FARS2: variants seen among roughly 807,000 people sequenced by gnomAD.
The protein encoded by FARS2 is phenylalanine--tRNA ligase, mitochondrial.
Under a neutral mutation model 46.4 loss-of-function variants are expected in FARS2, and 40 were observed. The ratio of observed to expected loss-of-function variants is 0.86; its 90% confidence interval spans 0.67 to 1.12. FARS2 has a LOEUF of 1.12. Among genes scored for constraint, FARS2 ranks in the 50% most tolerant of loss-of-function variants. The probability of loss-of-function intolerance (pLI) is 0.00; values close to 1 mark genes in which losing one functional copy is unlikely to be tolerated. For synonymous variants in FARS2, 234 were observed against 214.9 expected, an observed-to-expected ratio of 1.09 and a Z score of -0.78; for missense variants, 513 against 567.9, an observed-to-expected ratio of 0.90 and a Z score of 0.98.
At chr6:5,606,943 C>G (rs978460162) in intron 5 of FARS2, among the ~76,000 whole-genome samples, 1 of 152,154 alleles carries the variant, frequency 6.6e-6, no homozygotes, top group Non-Finnish European at 1.5e-5. Context: ...GGTGAGGGAA[C>G]AAACCAGCTT....
intron 2 of FARS2, among the ~76,000 whole-genome samples, chr6:5,390,402 C>G (rs1328656842): frequency 6.6e-6 from 1 of 152,176 alleles, no homozygotes; most frequent in Non-Finnish European, 1.5e-5. Flanking sequence ...ACTCAGCACC[C>G]TTGATGGATC....
chr6:5,436,710 T>C (rs1017865125), intron 4 of FARS2, among the ~76,000 whole-genome samples: 2 of 152,206 alleles, frequency 1.3e-5, no homozygotes, highest in South Asian at 2.1e-4. Flanking sequence ...CATTCTCAGA[T>C]GTGTGACTAG....
rs147372606 is a variant in FARS2 at position 5,580,869 on chromosome 6, A to G, written c.1066-32300A>G. On this transcript the variant is annotated intron_variant, in intron 5 of 6. Transcript: ENST00000274680. ...TGTGGATATAAATATCTATCTGTCA[A>G]TATGCACAATTAGTGGAAGACATAG... Among the ~76,000 whole-genome samples the G allele has an allele frequency of 1.3e-3, 195 of 152,344 alleles. 1 individual carries two copies. The highest frequency in any genetic ancestry group is 4.5e-3 in the African/African-American group (186 of 41,576).
chr6:5,405,837 T>C (rs1761558784), intron 3 of FARS2, among the ~76,000 whole-genome samples: 1 of 152,104 alleles, frequency 6.6e-6, no homozygotes, highest in Non-Finnish European at 1.5e-5. Context: ...AGTGGAAAAC[T>C]TTACGTATTG....
At chr6:5,268,720 T>G (rs1765726382) in intron 1 of FARS2, among the ~76,000 whole-genome samples, 1 of 152,154 alleles carries the variant, frequency 6.6e-6, no homozygotes, top group Non-Finnish European at 1.5e-5. Context: ...TTTAAAGTAG[T>G]TTTTTCCAAT....
At chr6:5,619,117 C>T (rs1412257325) in intron 6 of FARS2, among the ~76,000 whole-genome samples, 1 of 152,154 alleles carries the variant, frequency 6.6e-6, no homozygotes, top group Non-Finnish European at 1.5e-5. Flanking sequence ...TTAGCCATTG[C>T]CTTTAGCTGC....
At chr6:5,533,268 T>C (rs896499857) in intron 4 of FARS2, among the ~76,000 whole-genome samples, 1 of 152,218 alleles carries the variant, frequency 6.6e-6, no homozygotes, top group African/African-American at 2.4e-5. Context: ...TTCTGAGATA[T>C]CTTTTCAGAA....
intron 4 of FARS2, among the ~76,000 whole-genome samples, chr6:5,532,400 GA>G (rs1216713079): frequency 6.6e-6 from 1 of 152,236 alleles, no homozygotes; most frequent in Non-Finnish European, 1.5e-5. Flanking sequence ...GGAACATTGT[GA>G]GGATAAAACT....
intron 6 of FARS2, among the ~76,000 whole-genome samples, chr6:5,719,323 A>AGCT (rs1759720360): frequency 1.3e-5 from 2 of 150,142 alleles, no homozygotes; most frequent in Middle Eastern, 3.2e-3. Context: ...TCAAGGCTAC[A>AGCT]GTGAGCTGTG....
chr6:5,449,618 AAT>A (rs1764371857), intron 4 of FARS2, among the ~76,000 whole-genome samples: 1 of 152,170 alleles, frequency 6.6e-6, no homozygotes, highest in South Asian at 2.1e-4. Context: ...ATATTTGCTG[AAT>A]ACCTGGTAGT....
chr6:5,560,546 C>G (rs1324223816), intron 5 of FARS2, among the ~76,000 whole-genome samples: 1 of 152,022 alleles, frequency 6.6e-6, no homozygotes, highest in Non-Finnish European at 1.5e-5. Flanking sequence ...ACGATCTTCT[C>G]AGGTTTTGAT....
At chr6:5,277,807 A>G (rs544694556) in intron 1 of FARS2, among the ~76,000 whole-genome samples, 6 of 152,272 alleles carry the variant, frequency 3.9e-5, no homozygotes, top group Admixed American at 6.5e-5. Flanking sequence ...GCATTATTCA[A>G]AAATGTTTTG....
At chr6:5,462,066 A>G (rs1046759606) in intron 4 of FARS2, among the ~76,000 whole-genome samples, 1 of 152,040 alleles carries the variant, frequency 6.6e-6, no homozygotes, top group Non-Finnish European at 1.5e-5. Context: ...CTTCACCAAC[A>G]CTTTGTATTA....
chr6:5,483,778 TGAA>T (rs1319598511), intron 4 of FARS2, among the ~76,000 whole-genome samples: 1 of 151,978 alleles, frequency 6.6e-6, no homozygotes, highest in Non-Finnish European at 1.5e-5. Context: ...GAGATGGAGA[TGAA>T]GAAGAGGATG....
chr6:5,294,723 C>T (rs559928806), intron 1 of FARS2, among the ~76,000 whole-genome samples: 2 of 152,268 alleles, frequency 1.3e-5, no homozygotes, highest in East Asian at 1.9e-4. Flanking sequence ...GACGGAGAGA[C>T]GTGCAGGGCA....
intron 4 of FARS2, among the ~76,000 whole-genome samples, chr6:5,436,200 G>A (rs1253108252): frequency 6.6e-6 from 1 of 152,224 alleles, no homozygotes; most frequent in Admixed American, 6.5e-5. Context: ...GAATATTGAT[G>A]CGATAGATAT....
At chr6:5,376,476 C>T (rs1449246162) in intron 2 of FARS2, among the ~76,000 whole-genome samples, 1 of 152,040 alleles carries the variant, frequency 6.6e-6, no homozygotes, top group Non-Finnish European at 1.5e-5. Flanking sequence ...TTGGTAGTTT[C>T]CAATGAAAAC....
Position 5,765,382 on chromosome 6 carries a change from C to G in FARS2, c.1218-5909C>G, listed in dbSNP as rs1015667108. 6.6e-6 allele frequency among the ~76,000 whole-genome samples: 1 copy of G among 152,230 alleles called. No homozygotes were observed. Among genetic ancestry groups the G allele is most frequent in the African/African-American group, 2.4e-5 (1 of 41,460 alleles). On this transcript the variant is annotated intron_variant, in intron 6 of 6. Transcript: ENST00000274680. The surrounding 1 kb of genome is among the most constrained non-coding windows in gnomAD (Gnocchi z 4.0). The stretch of plus-strand genomic sequence containing the variant: ...CTGAATCTCTCAGAAGGGGAGCTGA[C>G]GGGCGGCAGTGGGAGAGTGGAAGAG...
At chr6:5,530,028 A>C (rs1449793335) in intron 4 of FARS2, among the ~76,000 whole-genome samples, 1 of 152,256 alleles carries the variant, frequency 6.6e-6, no homozygotes, top group Non-Finnish European at 1.5e-5. Context: ...CTAAGTCCAA[A>C]GGGCCAGCCA....
Sources: gnomAD v4.1 joint callset for allele counts (sites outside exome capture counted in the v4.1 genomes callset) on GRCh38, gnomAD v4.1.1 for gene constraint, Gnocchi (gnomAD v3.1) non-coding constraint, MANE v1.5 for transcripts, NCBI Gene and HGNC (gene_info 2026-07-23, HGNC 2026-07-21) for gene names.